GPAM: variants seen among roughly 807,000 people sequenced by gnomAD.
GPAM encodes glycerol-3-phosphate acyltransferase 1, mitochondrial.
A neutral mutation model predicts 105.0 loss-of-function variants in GPAM; 56 were observed. The observed-to-expected ratio is 0.53, with a 90% confidence interval of 0.43 to 0.67. The LOEUF is 0.67. Ranked by LOEUF, GPAM falls within the 30% of genes least tolerant of loss-of-function variation. The probability of loss-of-function intolerance (pLI) is 0.00; values close to 1 mark genes in which losing one functional copy is unlikely to be tolerated. For missense variants in GPAM, 855 were observed against 989.8 expected, an observed-to-expected ratio of 0.86 and a Z score of 1.83; for synonymous variants, 368 against 354.4, an observed-to-expected ratio of 1.04 and a Z score of -0.43.
At chr10:112,219,702 T>C (rs751880742), upstream of GPAM, among the ~76,000 whole-genome samples, 4 of 152,220 alleles carry the variant, frequency 2.6e-5, no homozygotes, top group African/African-American at 9.6e-5. Flanking sequence ...TGTGTGTGTT[T>C]GCAGCATACA....
intron 14 of GPAM, among the ~76,000 whole-genome samples, chr10:112,162,944 T>C (rs1847148001): frequency 6.6e-6 from 1 of 151,992 alleles, no homozygotes. Flanking sequence ...GCCTCCAGAA[T>C]GGGAGGAGCA....
At position 112,180,638 on chromosome 10, in the gene GPAM, A is replaced by C. The variant is rs190118111; in HGVS notation, c.103-43T>G. On this transcript the variant is annotated intron_variant, in intron 3 of 21. Coordinates refer to ENST00000348367, the MANE Select transcript of GPAM (RefSeq NM_001244949.2). Reference sequence around the variant, plus strand: ...AAAAATATAGTTTCTAAATGGCAAGAGAATACTTGTCTACTTGATCTCAAA... The same window carrying C: ...AAAAATATAGTTTCTAAATGGCAAGCGAATACTTGTCTACTTGATCTCAAA... The C allele has an allele frequency of 6.5e-4, 999 of 1,547,996 alleles. 7 individuals carry two copies. In the African/African-American group the frequency reaches 0.011, roughly 17 times the overall value.
At chr10:112,159,675 A>G (rs1033507292) in intron 17 of GPAM, among the ~76,000 whole-genome samples, 1 of 152,176 alleles carries the variant, frequency 6.6e-6, no homozygotes, top group Non-Finnish European at 1.5e-5. Context: ...GAGAACATTG[A>G]GCAATCTGTC....
upstream of GPAM, chr10:112,183,828 G>C (rs1376850842): frequency 6.6e-6 from 1 of 152,330 alleles, no homozygotes; most frequent in Non-Finnish European, 1.5e-5. Context: ...AGCGCCGGGG[G>C]CGGGGCCCGG....
At chr10:112,180,380 A>C in intron 4 of GPAM, 93 bp downstream of exon 4, 4 of 1,210,806 alleles carry the variant, frequency 3.3e-6, no homozygotes, top group Non-Finnish European at 4.9e-6. Flanking sequence ...CTCTGTTCTG[A>C]AAGTGAATTT....
At position 112,157,344 on chromosome 10, in the gene GPAM, A is replaced by C. The variant is rs749793964; in HGVS notation, c.2026T>G (p.Trp676Gly). ...DISPSLAEQQ[W>G]DKKLPEPLSW... is the part of the protein sequence containing the mutation. Reference sequence around the variant, plus strand: ...AAAGGTTCTGGAAGCTTCTTGTCCCACTGCTGCTCAGCAAGACTAGGACTG... The same window carrying C: ...AAAGGTTCTGGAAGCTTCTTGTCCCCCTGCTGCTCAGCAAGACTAGGACTG... Residue 676 changes from tryptophan to glycine, a missense_variant, in exon 19 of 22, where the codon TGG becomes GGG. Coordinates refer to ENST00000348367, the MANE Select transcript of GPAM (RefSeq NM_001244949.2). The C allele has an allele frequency of 4.3e-6, 7 of 1,613,394 alleles. No individual in the cohort carries two copies. The highest frequency in any genetic ancestry group is 1.3e-5 in the African/African-American group (1 of 74,910).
At chr10:112,161,520 C>G (rs1331064251) in intron 15 of GPAM, 147 bp downstream of exon 15, 1 of 689,802 alleles carries the variant, frequency 1.4e-6, no homozygotes, top group African/African-American at 1.8e-5. Flanking sequence ...TGATAAGCTC[C>G]TTTGGGCAGG....
At position 112,150,380 on chromosome 10, in the gene GPAM, C is replaced by A; in HGVS notation, c.*3170G>T. 1.0e-6 allele frequency: 1 copy of A among 985,664 alleles called. No homozygotes were observed. Among genetic ancestry groups the A allele is most frequent in the Non-Finnish European group, 1.2e-6 (1 of 829,736 alleles). The allele number at this position is 985,664 out of a possible 1,614,324, so 61.1% of individuals were successfully genotyped here. A position where few individuals can be genotyped will look rare whatever the true frequency, so the allele number is the denominator to read the frequency against. ...ATACGTTCAGTGAAAAAGCCAGGAT[C>A]ATTGGGGCTGTTCTCTCTATCAAAG... On this transcript the variant is annotated 3_prime_UTR_variant, in exon 22 of 22. Transcript: ENST00000348367.
chr10:112,169,838 G>A (rs1294323062), intron 9 of GPAM, among the ~76,000 whole-genome samples: 4 of 152,028 alleles, frequency 2.6e-5, no homozygotes, highest in Non-Finnish European at 2.9e-5. Context: ...TCTGAGCTCC[G>A]CCTCCTGTCA....
Position 112,156,019 on chromosome 10 carries a change from G to T in GPAM, c.2156C>A (p.Thr719Asn), listed in dbSNP as rs1378761027. 3.1e-6 allele frequency: 5 copies of T among 1,613,264 alleles called. No individual in the cohort carries two copies. The highest frequency in any genetic ancestry group is 4.2e-6 in the Non-Finnish European group (5 of 1,179,372). The stretch of plus-strand genomic sequence containing the variant: ...AGGCCCAAGGAGTCTCTGTAAGAAG[G>T]TGATAAACTGCTGGTGCTCCTTGGA... ...SQSKEHQQFI[T>N]FLQRLLGPLL... The change falls in exon 20 of 22, where the codon ACC becomes AAC. Residue 719 changes from threonine to asparagine, a missense_variant. Coordinates refer to ENST00000348367, the MANE Select transcript of GPAM (RefSeq NM_001244949.2).
At chr10:112,224,913 T>C in the GPAM span, among the ~76,000 whole-genome samples, 2 of 152,146 alleles carry the variant, frequency 1.3e-5, no homozygotes, top group African/African-American at 4.8e-5. Flanking sequence ...TCTTTGTTTA[T>C]ATCCAAACAA....
chr10:112,213,184 T>A (rs1309951790), intron 1 of GPAM, among the ~76,000 whole-genome samples: 1 of 152,230 alleles, frequency 6.6e-6, no homozygotes, highest in Non-Finnish European at 1.5e-5. Flanking sequence ...CAGCCTGCTA[T>A]CATTCATTCA....
chr10:112,164,542 T>G lies in GPAM; in HGVS notation c.1290A>C (p.Pro430=). 2 of 1,583,598 alleles carry G rather than the reference T, an allele frequency of 1.3e-6. No homozygotes were observed. Among genetic ancestry groups the G allele is most frequent in the Non-Finnish European group, 1.7e-6 (2 of 1,152,218 alleles). The change falls in exon 13 of 22, where the codon CCA becomes CCC. Residue 430 remains proline (P), a synonymous_variant. Transcript: ENST00000348367. ...AATTTTACCTTGAAGGAAGTATAGC[T>G]GGTAACAACGCTTGCTCCAGGGAAA... The part of the protein sequence containing the change: ...ALLSLEQALL[P]AILPSRPSDA...
chr10:112,166,324 T>G, intron 12 of GPAM, 78 bp downstream of exon 12: 1 of 800,654 alleles, frequency 1.2e-6, no homozygotes, highest in Non-Finnish European at 2.3e-6. Context: ...CACAGAGAGG[T>G]GCTGTTAAGA....
In GPAM at chr10:112,180,463, A is replaced by G; in HGVS notation, c.225+10T>C. The G allele has an allele frequency of 6.2e-7, 1 of 1,613,444 alleles. No individual in the cohort carries two copies. The highest frequency in any genetic ancestry group is 8.5e-7 in the Non-Finnish European group (1 of 1,179,374). The stretch of plus-strand genomic sequence containing the variant: ...TGAGTATTAGGGTCAATAAGCAGTA[A>G]GGTTCTTACCCAGCTCTGGGGAGTG... On this transcript the variant is annotated intron_variant, in intron 4 of 21. Transcript: ENST00000348367.
At chr10:112,190,878 C>T (rs959219098) in intron 1 of GPAM, among the ~76,000 whole-genome samples, 8 of 152,116 alleles carry the variant, frequency 5.3e-5, no homozygotes, top group African/African-American at 9.7e-5. Flanking sequence ...TGGGCCCACA[C>T]GACAGACACA....
chr10:112,188,219 AAAAT>A (rs1229124888), upstream of GPAM, among the ~76,000 whole-genome samples: 5 of 152,132 alleles, frequency 3.3e-5, no homozygotes, highest in South Asian at 2.1e-4. Context: ...TTTAAGTAGG[AAAAT>A]AAAAAACAAT....
At chr10:112,183,802 G>C (rs11195835), upstream of GPAM, 4 of 152,294 alleles carry the variant, frequency 2.6e-5, no homozygotes, top group African/African-American at 4.8e-5. Flanking sequence ...CATTGACGCG[G>C]GGCCGCCGGC....
At chr10:112,221,367 C>T in the GPAM span, among the ~76,000 whole-genome samples, 1 of 152,282 alleles carries the variant, frequency 6.6e-6, no homozygotes, top group African/African-American at 2.4e-5. Flanking sequence ...GTCTCTCTTA[C>T]TTCTGTAATC....
Sources: allele counts gnomAD v4.1 joint callset (sites outside exome capture counted in the v4.1 genomes callset), GRCh38; gene constraint gnomAD v4.1.1; transcripts MANE v1.5; gene names NCBI Gene and HGNC (gene_info 2026-07-23, HGNC 2026-07-21).